The following SNX16 variants were observed in gnomAD, a reference collection of about 807,000 sequenced individuals.
SNX16 encodes sorting nexin-16.
In SNX16, 35 loss-of-function variants were observed where a neutral mutation model predicts 36.7. The ratio of observed to expected loss-of-function variants is 0.95; its 90% CI spans 0.73 to 1.27. SNX16 has a LOEUF of 1.27. SNX16 is among the 50% of genes most tolerant of loss of function. SNX16 has a pLI of 0.00. For synonymous variants in SNX16, 134 were observed against 132.0 expected (o/e 1.02, Z -0.10); for missense variants, 367 against 393.6 (o/e 0.93, Z 0.57).
At chr8:81,811,532 A>G (rs546639877) in intron 5 of SNX16, among the ~76,000 whole-genome samples, 4 of 152,308 alleles carry the variant, frequency 2.6e-5, no homozygotes, top group Non-Finnish European at 5.9e-5. Flanking sequence ...ACTGAACATT[A>G]AGCTATGCAG....
Position 81,823,835 on chromosome 8 carries a change from C to T in SNX16, c.568G>A (p.Ala190Thr), listed in dbSNP as rs754568349. The change falls in exon 4 of 8, where the codon GCG becomes ACG. Residue 190 changes from alanine to threonine, a missense_variant. Transcript: ENST00000345957. ...TGAGCTACTAAATTTTGAAGAAACG[C>T]TTGTAATCCTAATTGTCTGTCTTCT... ...FLEDRQLGLQ[A>T]FLQNLVAHKD... The T allele has an allele frequency of 6.2e-7, 1 of 1,611,478 alleles. No individual in the cohort carries two copies.
intron 4 of SNX16, among the ~76,000 whole-genome samples, chr8:81,822,536 G>A (rs1221539040): frequency 6.6e-6 from 1 of 151,994 alleles, no homozygotes; most frequent in Non-Finnish European, 1.5e-5. Flanking sequence ...CAGTGAGAAA[G>A]CATCTACAGT....
chr8:81,805,869 C>T (rs996975368), intron 5 of SNX16, among the ~76,000 whole-genome samples: 26 of 151,610 alleles, frequency 1.7e-4, no homozygotes, highest in African/African-American at 6.1e-4. Flanking sequence ...TGCAGCAAGC[C>T]GAAATAGCGC....
At chr8:81,829,581 G>T in intron 2 of SNX16, 65 bp from the exon 3 acceptor site, 3 of 683,070 alleles carry the variant, frequency 4.4e-6, no homozygotes, top group South Asian at 3.4e-5. Flanking sequence ...AAAAACTCAA[G>T]CCAAATATTT....
chr8:81,841,624 GT>G (rs1364357710), intron 1 of SNX16: 2 of 152,032 alleles, frequency 1.3e-5, no homozygotes, highest in East Asian at 2.0e-4. Flanking sequence ...CTACCCAAGC[GT>G]TAAAAAAACA....
At position 81,803,175 on chromosome 8, in the gene SNX16, A is replaced by G; in HGVS notation, c.735T>C (p.Leu245=). ...ETNYRLQKEL[L]EKQKEMESLK... is the part of the protein sequence containing the mutation. ...GTGATTCCATCTCCTTTTGTTTTTC[A>G]AGTAGTTCTTTCTGTAAGCGGTAGT... The change falls in exon 6 of 8, where the codon CTT becomes CTC. Residue 245 remains leucine, a synonymous_variant. Coordinates refer to ENST00000345957, the MANE Select transcript of SNX16 (RefSeq NM_152836.3). 1 of 1,612,046 alleles carries G rather than the reference A, an allele frequency of 6.2e-7. No individual in the cohort carries two copies. Among genetic ancestry groups the G allele is most frequent in the South Asian group, 1.1e-5 (1 of 90,870 alleles).
chr8:81,816,181 C>CTTT (rs777491714), intron 4 of SNX16, among the ~76,000 whole-genome samples: 4 of 137,814 alleles, frequency 2.9e-5, no homozygotes, highest in South Asian at 4.7e-4. Context: ...AAAGGATTTT[C>CTTT]TTTTTTTTTT....
At position 81,808,467 on chromosome 8, in the gene SNX16, G is replaced by A. The variant is rs1301628588; in HGVS notation, c.682-5239C>T. ...TCATGGTGGCTTTGCTGACAGCTGTGGTGGTGGGGGATATGGTGGCAGTGG... is the reference window on the plus strand; with the variant it reads ...TCATGGTGGCTTTGCTGACAGCTGTAGTGGTGGGGGATATGGTGGCAGTGG... On this transcript the variant is annotated intron_variant, in intron 5 of 7. Transcript: ENST00000345957. 5 of 991,214 alleles carry A rather than the reference G, an allele frequency of 5.0e-6. No homozygotes were observed. The African/African-American group carries it at 6.3e-5, about 13-fold the overall frequency. 61.4% of individuals were successfully genotyped at this position (991,214 alleles called of 1,614,324 possible). A position where few individuals can be genotyped will look rare whatever the true frequency, so the allele number is the denominator to read the frequency against.
In SNX16 at chr8:81,835,411, A is replaced by T. The variant is rs1231921311; in HGVS notation, c.375+4201T>A. 2.6e-5 allele frequency among the ~76,000 whole-genome samples: 4 copies of T among 152,298 alleles called. No homozygotes were observed. In the East Asian group the frequency reaches 7.7e-4, roughly 29 times the overall value. Reference sequence around the variant, plus strand: ...TTCCTTATTACTTATGCAAATTTCTACAGCCAGCTTGAATTTCTCCTCAGA... The same window carrying T: ...TTCCTTATTACTTATGCAAATTTCTTCAGCCAGCTTGAATTTCTCCTCAGA... On this transcript the variant is annotated intron_variant, in intron 2 of 7. Coordinates refer to ENST00000345957, the MANE Select transcript of SNX16 (RefSeq NM_152836.3).
At chr8:81,816,181 C>CTTTTTT (rs777491714) in intron 4 of SNX16, among the ~76,000 whole-genome samples, 7,675 of 137,700 alleles carry the variant, frequency 0.056, 248 homozygotes, top group Middle Eastern at 0.08. Flanking sequence ...AAAGGATTTT[C>CTTTTTT]TTTTTTTTTT....
intron 5 of SNX16, chr8:81,808,154 G>A (rs1810053963): frequency 7.8e-7 from 1 of 1,283,360 alleles, no homozygotes. Flanking sequence ...TTTGAACAGT[G>A]TGGAAAAATG....
intron 1 of SNX16, 157 bp downstream of exon 1, chr8:81,841,965 G>A (rs1180730090): frequency 1.3e-5 from 2 of 152,086 alleles, no homozygotes; most frequent in African/African-American, 4.8e-5. Context: ...GCACAGTGGG[G>A]TCGGCGGTGG....
rs115847178 is a variant in SNX16 at position 81,822,789 on chromosome 8, C to T, written c.611+1003G>A. On this transcript the variant is annotated intron_variant, in intron 4 of 7. Transcript: ENST00000345957. ...GAGATATCTGAAGATGTCGAGGAGA[C>T]AACTGCATATATCAATCTGGAGTAG... Among the ~76,000 whole-genome samples the T allele has an allele frequency of 2.0e-3, 311 of 151,822 alleles. 1 individual carries two copies. Among genetic ancestry groups the T allele is most frequent in the African/African-American group, 7.4e-3 (308 of 41,412 alleles).
chr8:81,831,346 A>G (rs1336124128), intron 2 of SNX16, among the ~76,000 whole-genome samples: 1 of 152,206 alleles, frequency 6.6e-6, no homozygotes, highest in Non-Finnish European at 1.5e-5. Context: ...GGGAGAAAAT[A>G]TTTGTAAACT....
At chr8:81,823,575 C>T (rs1810873265) in intron 4 of SNX16, among the ~76,000 whole-genome samples, 1 of 152,030 alleles carries the variant, frequency 6.6e-6, no homozygotes, top group South Asian at 2.1e-4. Flanking sequence ...ACTTTACTGA[C>T]TATTTAAAAT....
In SNX16 at chr8:81,839,880, C is replaced by G; in HGVS notation, c.107G>C (p.Ser36Thr). Residue 36 changes from serine to threonine, a missense_variant, in exon 2 of 8, where the codon AGC becomes ACC. Ser to Thr is a moderately conservative substitution (Grantham distance 58). Coordinates refer to ENST00000345957, the MANE Select transcript of SNX16 (RefSeq NM_152836.3). The stretch of plus-strand genomic sequence containing the variant: ...TAACTGGCCCTTAGAAGAATTTGAG[C>G]TTGTTGAGACACTGCCAAAAGAAGA... ...RSSSFGSVSTSSNSSKGQLED... is the reference protein window; with the variant it reads ...RSSSFGSVSTTSNSSKGQLED... 1 of 1,613,976 alleles carries G rather than the reference C, an allele frequency of 6.2e-7. No individual in the cohort carries two copies. Among genetic ancestry groups the G allele is most frequent in the Non-Finnish European group, 8.5e-7 (1 of 1,179,914 alleles).
intron 5 of SNX16, among the ~76,000 whole-genome samples, chr8:81,806,227 C>T (rs1402278585): frequency 6.6e-6 from 1 of 151,970 alleles, no homozygotes; most frequent in Non-Finnish European, 1.5e-5. Flanking sequence ...ATTTTGATGC[C>T]AGACCCAACA....
chr8:81,812,501 A>C (rs1182789268), intron 5 of SNX16, among the ~76,000 whole-genome samples: 1 of 152,122 alleles, frequency 6.6e-6, no homozygotes, highest in Non-Finnish European at 1.5e-5. Flanking sequence ...TAGGGGCCAG[A>C]AGGCAGTGGA....
chr8:81,801,481 A>G lies in SNX16; in HGVS notation c.*16T>C, dbSNP rs1809683051. The G allele has an allele frequency of 6.8e-7, 1 of 1,474,296 alleles. No homozygotes were observed. The highest frequency in any genetic ancestry group is 9.3e-7 in the Non-Finnish European group (1 of 1,072,896). The allele number at this position is 1,474,296 out of a possible 1,614,324, so 91.3% of individuals were successfully genotyped here. A position where few individuals can be genotyped will look rare whatever the true frequency, so the allele number is the denominator to read the frequency against. ...ATTTTTGAATAGTCTAAATGGAGGG[A>G]ACTGCTTGTGATACATTAGTCTTCT... On this transcript the variant is annotated 3_prime_UTR_variant, in exon 8 of 8. Coordinates refer to ENST00000345957, the MANE Select transcript of SNX16 (RefSeq NM_152836.3).
Sources: gnomAD v4.1 joint callset for allele counts (sites outside exome capture counted in the v4.1 genomes callset) on GRCh38, gnomAD v4.1.1 for gene constraint, MANE v1.5 for transcripts, NCBI Gene and HGNC (gene_info 2026-07-23, HGNC 2026-07-21) for gene names.